Variants in LRBA observed in about 807,000 individuals in gnomAD.
LRBA encodes lipopolysaccharide-responsive and beige-like anchor protein.
A neutral mutation model predicts 330.0 loss-of-function variants in LRBA; 176 were observed. That is an observed-to-expected ratio of 0.53 (90% CI 0.47 to 0.60). LRBA has a LOEUF of 0.60. Ranked by LOEUF, LRBA falls within the 20% of genes least tolerant of loss-of-function variation. The pLI, the probability that LRBA is intolerant of heterozygous loss-of-function variation, is 0.00. For missense variants in LRBA, 3,259 were observed against 3,444.8 expected (o/e 0.95, Z 1.35); for synonymous variants, 1,230 against 1,193.0 (o/e 1.03, Z -0.64).
chr4:150,490,900 A>T lies in LRBA; in HGVS notation c.6448+18T>A, dbSNP rs772918469. On this transcript the variant is annotated intron_variant, in intron 41 of 56. Transcript: ENST00000651943. ...ATGGAAGTTAGCTCTGTAACAACGTATTTCTGTAACACATTACCTCTGTTT... is the reference window on the plus strand; with the variant it reads ...ATGGAAGTTAGCTCTGTAACAACGTTTTTCTGTAACACATTACCTCTGTTT... 3.5e-6 allele frequency: 5 copies of T among 1,435,700 alleles called. No homozygotes were observed. The highest frequency in any genetic ancestry group is 4.9e-6 in the Non-Finnish European group (5 of 1,023,122). 88.9% of individuals were successfully genotyped at this position (1,435,700 alleles called of 1,614,324 possible).
intron 22 of LRBA, among the ~76,000 whole-genome samples, chr4:150,853,752 T>C (rs1046453556): frequency 6.6e-6 from 1 of 152,166 alleles, no homozygotes; most frequent in Non-Finnish European, 1.5e-5. Context: ...GATTATCTTA[T>C]AGCCACCATC....
At position 150,448,512 on chromosome 4, in the gene LRBA, A is replaced by G. The variant is rs540261417; in HGVS notation, c.6781-11648T>C. Among the ~76,000 whole-genome samples the G allele has an allele frequency of 2.0e-5, 3 of 152,202 alleles. No homozygotes were observed. In the East Asian group the frequency reaches 5.8e-4, roughly 29 times the overall value. ...AGAGGTAGTCAACATAAAAGTAGGT[A>G]AGAAGAAGGCCGGGCGTGGCGGCTC... On this transcript the variant is annotated intron_variant, in intron 44 of 56. Coordinates refer to ENST00000651943, the MANE Select transcript of LRBA (RefSeq NM_001364905.1).
rs185573656 is a variant in LRBA, at chr4:150,471,846, A to G, written c.6552-107T>C. On this transcript the variant is annotated intron_variant, in intron 42 of 56. Transcript: ENST00000651943. Reference sequence around the variant, plus strand: ...AATATCTATAATTCTGAAAAGTTCTATTCATGTTAGACTAATGAATACTAG... The same window carrying G: ...AATATCTATAATTCTGAAAAGTTCTGTTCATGTTAGACTAATGAATACTAG... The G allele has an allele frequency of 2.8e-4, 188 of 663,454 alleles. 4 individuals are homozygous for G. In the African/African-American group the frequency reaches 3.3e-3, roughly 12 times the overall value. 41.1% of individuals were successfully genotyped at this position (663,454 alleles called of 1,614,324 possible).
intron 33 of LRBA, among the ~76,000 whole-genome samples, chr4:150,805,341 G>GGAAAGGAAAGGA (rs1302816838): frequency 6.1e-5 from 2 of 32,680 alleles, no homozygotes; most frequent in East Asian, 1.1e-3. Context: ...AAGGAAAGGA[G>GGAAAGGAAAGGA]AAGGAGAAGG....
intron 2 of LRBA, among the ~76,000 whole-genome samples, chr4:150,930,313 T>C (rs1734355024): frequency 2.7e-5 from 1 of 37,068 alleles, no homozygotes; most frequent in African/African-American, 4.5e-5. Context: ...AGACTCCGTC[T>C]CAAAAAAAAA....
intron 47 of LRBA, among the ~76,000 whole-genome samples, chr4:150,380,014 A>AAAG: frequency 6.7e-6 from 1 of 150,072 alleles, no homozygotes; most frequent in East Asian, 2.0e-4. Flanking sequence ...AAAAAAAAAA[A>AAAG]AAAAAAAAAA....
intron 37 of LRBA, among the ~76,000 whole-genome samples, chr4:150,620,033 G>A (rs545435353): frequency 3.9e-5 from 6 of 152,078 alleles, no homozygotes; most frequent in African/African-American, 1.2e-4. Flanking sequence ...TTCCTATTAT[G>A]TAAAAAGAAA....
chr4:150,619,508 G>C (rs1321647767), intron 37 of LRBA, among the ~76,000 whole-genome samples: 1 of 152,088 alleles, frequency 6.6e-6, no homozygotes, highest in Non-Finnish European at 1.5e-5. Flanking sequence ...TGTTTTTTAA[G>C]TTTAGCAAGA....
chr4:150,579,260 T>A (rs1484615371), intron 40 of LRBA: 4 of 456,066 alleles, frequency 8.8e-6, no homozygotes, highest in Non-Finnish European at 1.8e-5. Flanking sequence ...AATTACAGCC[T>A]CCTCGGATAC....
chr4:150,683,168 G>GT (rs1326637869), intron 37 of LRBA, among the ~76,000 whole-genome samples: 1 of 151,996 alleles, frequency 6.6e-6, no homozygotes, highest in African/African-American at 2.4e-5. Flanking sequence ...AAAGAGCATA[G>GT]TTTTTTAAAA....
chr4:150,310,410 C>T, intron 51 of LRBA, 26 bp from the exon 52 acceptor site: 2 of 1,584,192 alleles, frequency 1.3e-6, no homozygotes, highest in Non-Finnish European at 1.7e-6. Context: ...GGAAAAACAA[C>T]TATTAAATCC....
chr4:150,894,881 A>G (rs968897629), intron 16 of LRBA, among the ~76,000 whole-genome samples: 2 of 152,176 alleles, frequency 1.3e-5, no homozygotes, highest in Non-Finnish European at 2.9e-5. Flanking sequence ...TTTGGTCAGA[A>G]AAATCTAAAA....
intron 44 of LRBA, among the ~76,000 whole-genome samples, chr4:150,445,830 A>C (rs1752554974): frequency 6.6e-6 from 1 of 151,790 alleles, no homozygotes; most frequent in Admixed American, 6.6e-5. Context: ...ACACTGACAT[A>C]ATTTTTTAGT....
intron 40 of LRBA, chr4:150,582,742 T>C (rs1554059650): frequency 2.8e-6 from 1 of 353,048 alleles, no homozygotes; most frequent in African/African-American, 2.1e-5. Flanking sequence ...TCTTTACATA[T>C]CAAGAGAAAG....
At chr4:150,303,068 C>T (rs1729879378) in intron 52 of LRBA, among the ~76,000 whole-genome samples, 1 of 152,128 alleles carries the variant, frequency 6.6e-6, no homozygotes, top group Non-Finnish European at 1.5e-5. Flanking sequence ...TTACAAATGG[C>T]TTCTATAAAT....
At chr4:150,357,801 A>G (rs1410231380) in intron 47 of LRBA, among the ~76,000 whole-genome samples, 1 of 152,074 alleles carries the variant, frequency 6.6e-6, no homozygotes, top group East Asian at 1.9e-4. Flanking sequence ...CAAGATACAA[A>G]AGAGAAGTGA....
chr4:150,552,386 AC>A (rs1472317321), intron 40 of LRBA, among the ~76,000 whole-genome samples: 3 of 152,168 alleles, frequency 2.0e-5, no homozygotes, highest in African/African-American at 7.2e-5. Context: ...GCCAAAAGAC[AC>A]ATGAAAAAAT....
intron 31 of LRBA, among the ~76,000 whole-genome samples, chr4:150,812,243 T>C (rs1358697998): frequency 6.6e-6 from 1 of 152,216 alleles, no homozygotes; most frequent in Non-Finnish European, 1.5e-5. Flanking sequence ...AATACATAAA[T>C]GCAGAAGCTA....
intron 46 of LRBA, chr4:150,423,352 A>C: frequency 1.5e-6 from 1 of 683,852 alleles, no homozygotes; most frequent in South Asian, 1.8e-5. Flanking sequence ...GGAGGCGTCA[A>C]GGGTCTTCTG....
Sources: gnomAD v4.1 joint callset for allele counts (sites outside exome capture counted in the v4.1 genomes callset) on GRCh38, gnomAD v4.1.1 for gene constraint, MANE v1.5 for transcripts, NCBI Gene and HGNC (gene_info 2026-07-23, HGNC 2026-07-21) for gene names.